AEBP2: variants seen among roughly 807,000 people sequenced by gnomAD.
AEBP2 encodes zinc finger protein AEBP2.
Under a neutral mutation model 50.8 loss-of-function variants are expected in AEBP2, and 10 were observed. The observed-to-expected ratio is 0.20, with a 90% CI of 0.12 to 0.33. The LOEUF is 0.33. Among genes scored for constraint, AEBP2 ranks in the 10% least tolerant of loss-of-function variants. AEBP2 has a pLI of 1.00. For synonymous variants in AEBP2, 296 were observed against 261.3 expected, an observed-to-expected ratio of 1.13 and a Z score of -1.28; for missense variants, 570 against 688.0, an observed-to-expected ratio of 0.83 and a Z score of 1.92.
Position 19,439,566 on chromosome 12 carries a change from G to C in AEBP2, c.-134G>C. 2.5e-6 allele frequency: 3 copies of C among 1,209,928 alleles called. No homozygotes were observed. The highest frequency in any genetic ancestry group is 1.6e-5 in the South Asian group (1 of 64,186). The allele number at this position is 1,209,928 out of a possible 1,614,324, so 74.9% of individuals were successfully genotyped here. The stretch of plus-strand genomic sequence containing the variant: ...CGTAGCGCGTGTGCAGGCTGACGCA[G>C]CTCGCGGGCCCTCCTCCTGCTCTGC... On this transcript the variant is annotated 5_prime_UTR_variant, in exon 1 of 8. Transcript: ENST00000266508.
chr12:19,470,318 C>T (rs1052119355), intron 2 of AEBP2, among the ~76,000 whole-genome samples: 13 of 152,006 alleles, frequency 8.6e-5, no homozygotes, highest in African/African-American at 1.9e-4. Flanking sequence ...CCACCACACT[C>T]GGCTAATTTT....
chr12:19,482,382 A>G (rs7310311), intron 3 of AEBP2, among the ~76,000 whole-genome samples: 61,954 of 152,062 alleles, frequency 0.41, 14,290 homozygotes, highest in Non-Finnish European at 0.54. Context: ...TTTCTTGAAT[A>G]CTGGTTATGC....
intron 2 of AEBP2, among the ~76,000 whole-genome samples, chr12:19,470,753 T>C (rs1235492365): frequency 6.6e-6 from 1 of 152,134 alleles, no homozygotes; most frequent in African/African-American, 2.4e-5. Flanking sequence ...AATTTAGTGA[T>C]TGAGTGTTGT....
intron 3 of AEBP2, among the ~76,000 whole-genome samples, chr12:19,480,265 G>A (rs1374585366): frequency 6.6e-6 from 1 of 151,994 alleles, no homozygotes; most frequent in Non-Finnish European, 1.5e-5. Flanking sequence ...CACCACGCCT[G>A]GCTAATTTTT....
intron 3 of AEBP2, among the ~76,000 whole-genome samples, chr12:19,485,477 C>A (rs1042213663): frequency 6.6e-6 from 1 of 151,938 alleles, no homozygotes; most frequent in African/African-American, 2.4e-5. Flanking sequence ...GAGGCTGACA[C>A]AAGCAGATTG....
rs778869737 is a variant in AEBP2 at position 19,464,355 on chromosome 12, C to T, written c.879+1638C>T. ...CATTTTTGAGCATCATGGCATGATG[C>T]TTTTTTGTCACTTGACTTAGCAACT... On this transcript the variant is annotated intron_variant, in intron 2 of 7. Transcript: ENST00000266508. Among the ~76,000 whole-genome samples the T allele has an allele frequency of 4.6e-5, 7 of 152,160 alleles. No homozygotes were observed. In the East Asian group the frequency reaches 7.8e-4, roughly 17 times the overall value.
At chr12:19,500,895 C>A (rs1423875348) in intron 5 of AEBP2, among the ~76,000 whole-genome samples, 1 of 152,112 alleles carries the variant, frequency 6.6e-6, no homozygotes, top group Non-Finnish European at 1.5e-5. Context: ...GAGAGTTATT[C>A]TTTCTTCCAT....
At chr12:19,407,376 C>T (rs988767183) in intron 1 of AEBP2, among the ~76,000 whole-genome samples, 2 of 152,086 alleles carry the variant, frequency 1.3e-5, no homozygotes, top group African/African-American at 4.8e-5. Flanking sequence ...TGGCTCACTG[C>T]AACCTCCACC....
In AEBP2 at chr12:19,486,191, T is replaced by C. The variant is rs146824371; in HGVS notation, c.988-7609T>C. ...TATTCTAATTTCTTTCATACTTACT[T>C]TATGAACTCTTGTATGAACTCTTAG... On this transcript the variant is annotated intron_variant, in intron 3 of 7. Transcript: ENST00000266508. Among the ~76,000 whole-genome samples, 158 of 152,276 alleles carry C rather than the reference T, an allele frequency of 1.0e-3. 1 individual carries two copies. Among genetic ancestry groups the C allele is most frequent in the African/African-American group, 3.7e-3 (154 of 41,560 alleles).
Position 19,481,092 on chromosome 12 carries a change from C to CTTTTTTT in AEBP2, c.987+7757_987+7763dup, listed in dbSNP as rs71067027. Among the ~76,000 whole-genome samples, 6 of 74,050 alleles carry CTTTTTTT rather than the reference C, an allele frequency of 8.1e-5. 1 individual carries two copies. Among genetic ancestry groups the CTTTTTTT allele is most frequent in the African/African-American group, 1.7e-4 (3 of 17,554 alleles). The allele number at this position is 74,050 out of a possible 152,430, so 48.6% of individuals were successfully genotyped here. ...TGTTATTGAAACTTTGCAGTGCATC[C>CTTTTTTT]TTTTTTTTTTTTTTTTTTTTTTTTT... On this transcript the variant is annotated intron_variant, in intron 3 of 7. Transcript: ENST00000266508.
At chr12:19,414,659 G>C (rs1390693183) in intron 1 of AEBP2, among the ~76,000 whole-genome samples, 1 of 152,136 alleles carries the variant, frequency 6.6e-6, no homozygotes, top group African/African-American at 2.4e-5. Context: ...ACAATGAAGA[G>C]CTTGGGGACC....
At chr12:19,483,328 A>G (rs536034588) in intron 3 of AEBP2, among the ~76,000 whole-genome samples, 1 of 152,234 alleles carries the variant, frequency 6.6e-6, no homozygotes, top group African/African-American at 2.4e-5. Flanking sequence ...AGGTAAGGTT[A>G]AATCCGTCTC....
rs1949359566 is a variant in AEBP2, at chr12:19,518,922, T to TG, written c.*805_*806insG. ...CAAATTATTTGAATAATCTTCATAT[T>TG]TTCATTTAACCTATATGACTCTAAT... On this transcript the variant is annotated 3_prime_UTR_variant, in exon 8 of 8. Coordinates refer to ENST00000266508, the MANE Select transcript of AEBP2 (RefSeq NM_153207.5). 2.8e-6 allele frequency: 1 copy of TG among 353,198 alleles called. No homozygotes were observed. Among genetic ancestry groups the TG allele is most frequent in the Non-Finnish European group, 5.0e-6 (1 of 201,286 alleles). The allele number at this position is 353,198 out of a possible 1,614,324, so 21.9% of individuals were successfully genotyped here. A position where few individuals can be genotyped will look rare whatever the true frequency, so the allele number is the denominator to read the frequency against.
At chr12:19,482,761 A>T (rs1257413307) in intron 3 of AEBP2, among the ~76,000 whole-genome samples, 1 of 152,176 alleles carries the variant, frequency 6.6e-6, no homozygotes, top group Non-Finnish European at 1.5e-5. Context: ...GGGGCTTGCC[A>T]CAGCCACTGT....
At chr12:19,424,007 G>C (rs932655037) in intron 1 of AEBP2, among the ~76,000 whole-genome samples, 5 of 152,180 alleles carry the variant, frequency 3.3e-5, no homozygotes, top group Admixed American at 6.6e-5. Context: ...CAGCATGGAG[G>C]ATGAATCTGG....
At chr12:19,502,834 G>C (rs979195059) in intron 5 of AEBP2, among the ~76,000 whole-genome samples, 7 of 152,064 alleles carry the variant, frequency 4.6e-5, no homozygotes, top group African/African-American at 1.7e-4. Context: ...TTTTAGTAGA[G>C]ATGGGGTTTC....
chr12:19,493,997 C>G lies in AEBP2; in HGVS notation c.1174+11C>G. 6.3e-7 allele frequency: 1 copy of G among 1,586,002 alleles called. No homozygotes were observed. The highest frequency in any genetic ancestry group is 8.6e-7 in the Non-Finnish European group (1 of 1,167,110). Reference sequence around the variant, plus strand: ...GACGACGCTCATTACGTAAGTGTTACACTGAGAAAATCTGGTGTATTTCAT... The same window carrying G: ...GACGACGCTCATTACGTAAGTGTTAGACTGAGAAAATCTGGTGTATTTCAT... On this transcript the variant is annotated intron_variant, in intron 4 of 7. Coordinates refer to ENST00000266508, the MANE Select transcript of AEBP2 (RefSeq NM_153207.5).
Position 19,439,737 on chromosome 12 carries a change from A to G in AEBP2, c.38A>G (p.Glu13Gly). Residue 13 changes from glutamate to glycine, a missense_variant, in exon 1 of 8, where the codon GAG becomes GGG. Physicochemically the swap from Glu to Gly is moderately conservative, Grantham distance 98. Transcript: ENST00000266508. ...AAITDMADLEELSRLSPLPPG... is the reference protein window; with the variant it reads ...AAITDMADLEGLSRLSPLPPG... ...ATCACCGACATGGCCGACCTGGAGGAGCTCTCCCGCCTGAGCCCTCTGCCC... is the reference window on the plus strand; with the variant it reads ...ATCACCGACATGGCCGACCTGGAGGGGCTCTCCCGCCTGAGCCCTCTGCCC... 1.3e-6 allele frequency: 2 copies of G among 1,516,092 alleles called. No homozygotes were observed. The highest frequency in any genetic ancestry group is 1.8e-6 in the Non-Finnish European group (2 of 1,139,182). 93.9% of individuals were successfully genotyped at this position (1,516,092 alleles called of 1,614,324 possible). A position where few individuals can be genotyped will look rare whatever the true frequency, so the allele number is the denominator to read the frequency against.
chr12:19,473,896 G>A (rs1016759734), intron 3 of AEBP2, among the ~76,000 whole-genome samples: 3 of 152,152 alleles, frequency 2.0e-5, no homozygotes, highest in African/African-American at 4.8e-5. Flanking sequence ...AAATGTTGCT[G>A]TTGGATTAGG....
Sources: gnomAD v4.1 joint callset for allele counts (sites outside exome capture counted in the v4.1 genomes callset) on GRCh38, gnomAD v4.1.1 for gene constraint, MANE v1.5 for transcripts, NCBI Gene and HGNC (gene_info 2026-07-23, HGNC 2026-07-21) for gene names.